The following CD36 variants were observed in gnomAD, a reference collection of about 807,000 sequenced individuals.
CD36 encodes the protein platelet glycoprotein 4.
CD36 carries 119 observed loss-of-function variants against 55.2 expected under a neutral mutation model. The ratio of observed to expected loss-of-function variants is 2.15; its 90% CI spans 1.86 to 2.51. The LOEUF (loss-of-function observed/expected upper bound fraction) is 2.51, where lower values mean the gene tolerates loss of function less well. CD36 is among the 30% of genes most tolerant of loss of function. CD36 has a pLI of 0.00. For synonymous variants in CD36, 186 were observed against 193.6 expected (o/e 0.96, Z 0.33); for missense variants, 819 against 555.5 (o/e 1.47, Z -4.77).
At chr7:80,670,224 C>A (rs1004620760) in intron 9 of CD36, 9 of 571,476 alleles carry the variant, frequency 1.6e-5, no homozygotes, top group Non-Finnish European at 2.2e-5. Context: ...AACCATTTTG[C>A]CTTTTAAAAA....
intron 11 of CD36, among the ~76,000 whole-genome samples, chr7:80,672,467 T>A (rs1488014595): frequency 6.6e-6 from 1 of 151,884 alleles, no homozygotes; most frequent in Non-Finnish European, 1.5e-5. Flanking sequence ...AATATATATT[T>A]GACCAGGAAT....
intron 8 of CD36, among the ~76,000 whole-genome samples, chr7:80,668,719 A>C (rs941591180): frequency 1.3e-5 from 2 of 152,216 alleles, no homozygotes. Flanking sequence ...GTCAATGTCC[A>C]TATGGGGGCT....
chr7:80,664,602 G>C, intron 7 of CD36, 105 bp downstream of exon 7: 1 of 753,904 alleles, frequency 1.3e-6, no homozygotes, highest in Non-Finnish European at 2.4e-6. Flanking sequence ...CTATAGAACA[G>C]ACCTGGTTAT....
chr7:80,623,278 A>ATGAT (rs1181805421), intron 1 of CD36, among the ~76,000 whole-genome samples: 1 of 152,124 alleles, frequency 6.6e-6, no homozygotes, highest in Admixed American at 6.6e-5. Context: ...TCATATATAC[A>ATGAT]CAATAATATA....
intron 1 of CD36, among the ~76,000 whole-genome samples, chr7:80,615,131 A>G (rs1293128036): frequency 1.3e-5 from 2 of 152,092 alleles, no homozygotes; most frequent in African/African-American, 4.8e-5. Flanking sequence ...ATGAGACCAC[A>G]TTCCCTTCAT....
In CD36 at chr7:80,673,972, C is replaced by G. The variant is rs1562828118; in HGVS notation, c.1255-11C>G. ...GTACCCAAATAATGTTGATTATTAA[C>G]TTGATTACAGACTGGGACCATTGGT... is the stretch of plus-strand genomic sequence containing the variant. On this transcript the variant is annotated splice_polypyrimidine_tract_variant and intron_variant, in intron 13 of 14. Coordinates refer to ENST00000447544, the MANE Select transcript of CD36 (RefSeq NM_001001548.3). 1 of 1,607,722 alleles carries G rather than the reference C, an allele frequency of 6.2e-7. No individual in the cohort carries two copies. Among genetic ancestry groups the G allele is most frequent in the Admixed American group, 1.7e-5 (1 of 59,812 alleles).
Position 80,676,872 on chromosome 7 carries a change from A to G in CD36, c.*489A>G, listed in dbSNP as rs1011075421. The G allele has an allele frequency of 3.3e-5, 5 of 152,046 alleles. No individual in the cohort carries two copies. Among genetic ancestry groups the G allele is most frequent in the Non-Finnish European group, 7.4e-5 (5 of 68,010 alleles). The allele number at this position is 152,046 out of a possible 1,614,324, so 9.4% of individuals were successfully genotyped here. A position where few individuals can be genotyped will look rare whatever the true frequency, so the allele number is the denominator to read the frequency against. Reference sequence around the variant, plus strand: ...TTCAGAATGCTTTTCTAGCATTAAGAGATGTAAATGATAAAGGAATTATTG... The same window carrying G: ...TTCAGAATGCTTTTCTAGCATTAAGGGATGTAAATGATAAAGGAATTATTG... On this transcript the variant is annotated 3_prime_UTR_variant, in exon 15 of 15. Coordinates refer to ENST00000447544, the MANE Select transcript of CD36 (RefSeq NM_001001548.3).
intron 7 of CD36, 32 bp from the exon 8 acceptor site, chr7:80,666,411 A>G: frequency 6.9e-7 from 1 of 1,440,204 alleles, no homozygotes; most frequent in Non-Finnish European, 9.8e-7. Flanking sequence ...TTTAAATAAG[A>G]ATGTTTATTC....
intron 7 of CD36, 99 bp from the exon 8 acceptor site, chr7:80,666,342 GCA>G (rs1229686738): frequency 1.3e-6 from 1 of 780,192 alleles, no homozygotes; most frequent in Non-Finnish European, 2.2e-6. Context: ...ACATTTAAAT[GCA>G]TCATATTAAC....
At chr7:80,666,578 A>G in intron 8 of CD36, 89 bp downstream of exon 8, 1 of 1,012,404 alleles carries the variant, frequency 9.9e-7, no homozygotes, top group Non-Finnish European at 1.6e-6. Flanking sequence ...CTGAAAGTTG[A>G]GGGTGTGTGT....
Position 80,661,169 on chromosome 7 carries a change from A to G in CD36, c.388A>G (p.Thr130Ala). 2 of 1,614,036 alleles carry G rather than the reference A, an allele frequency of 1.2e-6. No homozygotes were observed. Among genetic ancestry groups the G allele is most frequent in the African/African-American group, 2.7e-5 (2 of 75,050 alleles). Residue 130 changes from threonine to alanine, a missense_variant, in exon 5 of 15, where the codon ACA (threonine) becomes GCA (alanine). Transcript: ENST00000447544. ...CTTCGAACCTTCACTATCAGTTGGA[A>G]CAGAGGCTGACAACTTCACAGTTCT... is the stretch of plus-strand genomic sequence containing the variant. ...AIFEPSLSVG[T>A]EADNFTVLNL...
rs1211677387 is a variant in CD36, at chr7:80,656,711, C to A, written c.281+11C>A. ...TCCTTATACGTACAGGTGAGTGAGT[C>A]CCCACAAATATGAGACACTCTTACC... On this transcript the variant is annotated intron_variant, in intron 4 of 14. Coordinates refer to ENST00000447544, the MANE Select transcript of CD36 (RefSeq NM_001001548.3). The A allele has an allele frequency of 6.2e-7, 1 of 1,610,526 alleles. No homozygotes were observed. Among genetic ancestry groups the A allele is most frequent in the South Asian group, 1.1e-5 (1 of 90,950 alleles).
intron 8 of CD36, among the ~76,000 whole-genome samples, chr7:80,667,768 T>TTTTTTTTTTTC (rs1797261146): frequency 6.8e-6 from 1 of 147,166 alleles, no homozygotes; most frequent in African/African-American, 2.5e-5. Context: ...TTTTTTTTTT[T>TTTTTTTTTTTC]GAGACATAGT....
At chr7:80,625,476 T>A (rs9641866) in intron 1 of CD36, among the ~76,000 whole-genome samples, 20,879 of 152,090 alleles carry the variant, frequency 0.14, 2,080 homozygotes, top group East Asian at 0.34. Context: ...GATAAGGGAC[T>A]GAAGAAGGTG....
intron 1 of CD36, among the ~76,000 whole-genome samples, chr7:80,610,013 C>A: frequency 6.6e-6 from 1 of 152,078 alleles, no homozygotes; most frequent in Non-Finnish European, 1.5e-5. Flanking sequence ...TGGGTCTGAT[C>A]TAGGTTTAAA....
chr7:80,648,367 G>A (rs975707233), intron 3 of CD36, among the ~76,000 whole-genome samples: 1 of 152,054 alleles, frequency 6.6e-6, no homozygotes, highest in Admixed American at 6.6e-5. Context: ...ATCTTCCAAT[G>A]CACAGCGATT....
At chr7:80,621,051 C>T (rs994372915) in intron 1 of CD36, among the ~76,000 whole-genome samples, 9 of 152,156 alleles carry the variant, frequency 5.9e-5, no homozygotes, top group Non-Finnish European at 1.2e-4. Flanking sequence ...GAAACTGCCA[C>T]AGCAACCCTG....
chr7:80,605,854 A>G (rs1792519086), intron 1 of CD36, among the ~76,000 whole-genome samples: 1 of 152,162 alleles, frequency 6.6e-6, no homozygotes, highest in African/African-American at 2.4e-5. Context: ...AGATGCATAG[A>G]CAAAGAATTA....
At chr7:80,652,379 C>A (rs1173147815) in intron 3 of CD36, among the ~76,000 whole-genome samples, 1 of 152,174 alleles carries the variant, frequency 6.6e-6, no homozygotes, top group Non-Finnish European at 1.5e-5. Flanking sequence ...TTAAAGCTTA[C>A]TACTCCAATA....
Sources: allele counts gnomAD v4.1 joint callset (sites outside exome capture counted in the v4.1 genomes callset), GRCh38; gene constraint gnomAD v4.1.1; transcripts MANE v1.5; gene names NCBI Gene and HGNC (gene_info 2026-07-23, HGNC 2026-07-21).